THSD4: variants seen among roughly 807,000 people sequenced by gnomAD.
The protein encoded by THSD4 is thrombospondin type-1 domain-containing protein 4.
In THSD4, 69 loss-of-function variants were observed where a neutral mutation model predicts 119.0. The observed-to-expected ratio is 0.58, with a 90% CI of 0.48 to 0.71. The LOEUF (loss-of-function observed/expected upper bound fraction) is 0.71, where lower values mean the gene tolerates loss of function less well. Ranked by LOEUF, THSD4 falls within the 30% of genes least tolerant of loss-of-function variation. The probability of loss-of-function intolerance (pLI) is 0.00; values close to 1 mark genes in which losing one functional copy is unlikely to be tolerated. For synonymous variants in THSD4, 524 were observed against 540.4 expected (o/e 0.97, Z 0.42); for missense variants, 1,393 against 1,391.1 (o/e 1.00, Z -0.02).
chr15:71,683,075 C>T (rs949598184), intron 8 of THSD4, among the ~76,000 whole-genome samples: 1 of 151,790 alleles, frequency 6.6e-6, no homozygotes, highest in Non-Finnish European at 1.5e-5. Flanking sequence ...ACTCACACCA[C>T]CATGCCTGGC....
intron 1 of THSD4, among the ~76,000 whole-genome samples, chr15:71,130,866 T>C (rs2040497324): frequency 6.6e-6 from 1 of 152,170 alleles, no homozygotes. Context: ...TGCCTCAGTC[T>C]CCCGAGTAGC....
intron 6 of THSD4, among the ~76,000 whole-genome samples, chr15:71,401,941 T>C (rs540846997): frequency 1.3e-5 from 2 of 152,316 alleles, no homozygotes; most frequent in East Asian, 1.9e-4. Context: ...GATGAGTTCA[T>C]GTCCTTTGCA....
intron 7 of THSD4, among the ~76,000 whole-genome samples, chr15:71,506,165 A>G (rs1035893283): frequency 1.3e-5 from 2 of 152,114 alleles, no homozygotes; most frequent in African/African-American, 4.8e-5. Flanking sequence ...GTTTATGGCC[A>G]TGTTGTTCCT....
intron 7 of THSD4, among the ~76,000 whole-genome samples, chr15:71,597,656 G>C (rs1016516811): frequency 5.3e-5 from 8 of 152,188 alleles, no homozygotes; most frequent in African/African-American, 1.4e-4. Context: ...ACCTAGTTCT[G>C]ATGACTTAGT....
intron 11 of THSD4, among the ~76,000 whole-genome samples, chr15:71,742,717 A>T (rs1365213807): frequency 1.3e-5 from 2 of 151,822 alleles, no homozygotes; most frequent in Non-Finnish European, 2.9e-5. Flanking sequence ...AATATATTAA[A>T]ACTGACCCAA....
chr15:71,627,958 G>A (rs927711206), intron 7 of THSD4, among the ~76,000 whole-genome samples: 12 of 152,214 alleles, frequency 7.9e-5, no homozygotes, highest in Non-Finnish European at 1.5e-4. Context: ...CCTGATAAAC[G>A]TTCGCTGGGC....
At chr15:71,525,385 T>C (rs77907096) in intron 7 of THSD4, among the ~76,000 whole-genome samples, 2,415 of 152,252 alleles carry the variant, frequency 0.016, 57 homozygotes, top group African/African-American at 0.052. Context: ...ATTATAGACA[T>C]GTTGGATTTG....
intron 15 of THSD4, among the ~76,000 whole-genome samples, chr15:71,758,664 G>C (rs980197005): frequency 7.9e-5 from 12 of 152,214 alleles, no homozygotes; most frequent in Admixed American, 6.5e-4. Flanking sequence ...TGACTGCCTT[G>C]GTTTGATTAT....
intron 14 of THSD4, among the ~76,000 whole-genome samples, chr15:71,755,746 A>G (rs1249715482): frequency 1.3e-5 from 2 of 151,154 alleles, no homozygotes; most frequent in Non-Finnish European, 2.9e-5. Flanking sequence ...CAGGACACAA[A>G]TAACCATAAT....
chr15:71,536,931 A>C (rs1264880968), intron 7 of THSD4, among the ~76,000 whole-genome samples: 1 of 152,130 alleles, frequency 6.6e-6, no homozygotes, highest in Admixed American at 6.5e-5. Flanking sequence ...TTAAAATGTA[A>C]CATCAAAATG....
chr15:71,679,873 T>G (rs1259733813), intron 8 of THSD4, among the ~76,000 whole-genome samples: 2 of 152,182 alleles, frequency 1.3e-5, no homozygotes, highest in Non-Finnish European at 2.9e-5. Context: ...GGGAAGTGAC[T>G]AATAACAAGG....
At chr15:71,503,103 T>C (rs2048135780) in intron 7 of THSD4, among the ~76,000 whole-genome samples, 1 of 152,112 alleles carries the variant, frequency 6.6e-6, no homozygotes, top group Non-Finnish European at 1.5e-5. Context: ...TGAAGGACAA[T>C]TTTAGATGGA....
At chr15:71,696,181 T>G (rs1217250020) in intron 8 of THSD4, among the ~76,000 whole-genome samples, 1 of 152,202 alleles carries the variant, frequency 6.6e-6, no homozygotes, top group African/African-American at 2.4e-5. Context: ...GAGGTTTATT[T>G]AGCTCATAGT....
intron 16 of THSD4, chr15:71,767,608 T>C (rs2053736335): frequency 6.6e-6 from 1 of 152,234 alleles, no homozygotes; most frequent in Admixed American, 6.5e-5. Context: ...ACAAGATAGA[T>C]ATTGTATGGC....
At chr15:71,616,925 T>G (rs1378891100) in intron 7 of THSD4, among the ~76,000 whole-genome samples, 2 of 152,236 alleles carry the variant, frequency 1.3e-5, no homozygotes, top group Non-Finnish European at 2.9e-5. Context: ...TTACACTGTT[T>G]TCTAGATCAA....
rs1160801427 is a variant in THSD4, at chr15:71,388,661, A to T, written c.1016-23026A>T. ...CGAGTATTGATTTGATTCTTTGGAG[A>T]GAGTGTGTGTGTGTGTGTGTGTGTG... is the stretch of plus-strand genomic sequence containing the variant. On this transcript the variant is annotated intron_variant, in intron 6 of 17. Transcript: ENST00000261862. Among the ~76,000 whole-genome samples the T allele has an allele frequency of 1.9e-4, 27 of 141,990 alleles. 1 individual carries two copies. The highest frequency in any genetic ancestry group is 1.4e-3 in the Admixed American group (19 of 13,952). The allele number at this position is 141,990 out of a possible 152,430, so 93.2% of individuals were successfully genotyped here. A position where few individuals can be genotyped will look rare whatever the true frequency, so the allele number is the denominator to read the frequency against.
In THSD4 at chr15:71,276,864, C is replaced by T. The variant is rs1034482862; in HGVS notation, c.1015+20149C>T. On this transcript the variant is annotated intron_variant, in intron 6 of 17. Transcript: ENST00000261862. ...CGGATTGTAATTTTTCAAGAGATGA[C>T]CTTAGGATGGGTGAAATTGTCAGGG... Among the ~76,000 whole-genome samples the T allele has an allele frequency of 5.9e-5, 9 of 152,076 alleles. No individual in the cohort carries two copies. The South Asian group carries it at 1.2e-3, about 21-fold the overall frequency.
At chr15:71,476,600 T>A (rs1005419384) in intron 7 of THSD4, among the ~76,000 whole-genome samples, 1 of 152,180 alleles carries the variant, frequency 6.6e-6, no homozygotes, top group African/African-American at 2.4e-5. Flanking sequence ...CAATTTCCAG[T>A]GTTCCAGATT....
At chr15:71,603,926 T>C (rs1291728503) in intron 7 of THSD4, among the ~76,000 whole-genome samples, 1 of 151,910 alleles carries the variant, frequency 6.6e-6, no homozygotes, top group African/African-American at 2.4e-5. Flanking sequence ...GTTTTAGTAA[T>C]GGAAATGGAG....
Sources: gnomAD v4.1 joint callset for allele counts (sites outside exome capture counted in the v4.1 genomes callset) on GRCh38, gnomAD v4.1.1 for gene constraint, MANE v1.5 for transcripts, NCBI Gene and HGNC (gene_info 2026-07-23, HGNC 2026-07-21) for gene names.